Variants in MANBAL observed in about 807,000 individuals in gnomAD.
MANBAL encodes protein MANBAL.
Under a neutral mutation model 6.4 loss-of-function variants are expected in MANBAL, and 1 was observed. That is an observed-to-expected ratio of 0.16 (90% confidence interval 0.06 to 0.74). The LOEUF (loss-of-function observed/expected upper bound fraction) is 0.74. Among genes scored for constraint, MANBAL ranks in the 30% least tolerant of loss-of-function variants. The pLI is 0.78. For synonymous variants in MANBAL, 47 were observed against 45.8 expected, an observed-to-expected ratio of 1.03 and a Z score of -0.10; for missense variants, 100 against 107.8, an observed-to-expected ratio of 0.93 and a Z score of 0.32.
At position 37,311,753 on chromosome 20, in the gene MANBAL, C is replaced by T. The variant is rs111813650; in HGVS notation, c.151-4555C>T. On this transcript the variant is annotated intron_variant, in intron 2 of 2. Transcript: ENST00000373606. ...CCACCTGCCTTGGCTTCCCAAAGTG[C>T]TGGGATTACGGGCGTGAGCCACCGC... 5.7e-3 allele frequency among the ~76,000 whole-genome samples: 874 copies of T among 152,142 alleles called. 9 individuals are homozygous for T. Among genetic ancestry groups the T allele is most frequent in the African/African-American group, 0.02 (832 of 41,522 alleles).
intron 2 of MANBAL, 45 bp downstream of exon 2, chr20:37,301,458 G>A (rs369596424): frequency 1.9e-6 from 3 of 1,602,718 alleles, no homozygotes; most frequent in East Asian, 4.5e-5. Flanking sequence ...GTGCCAGGCT[G>A]GGTTCTGAGT....
chr20:37,298,548 C>G (rs545429335), intron 1 of MANBAL, among the ~76,000 whole-genome samples: 1 of 152,256 alleles, frequency 6.6e-6, no homozygotes, highest in African/African-American at 2.4e-5. Context: ...ATAATGTTTT[C>G]AAGGTTCATT....
chr20:37,301,407 C>T lies in MANBAL; in HGVS notation c.144C>T (p.His48=), dbSNP rs149447398. 461 of 1,611,058 alleles carry T rather than the reference C, an allele frequency of 2.9e-4. 1 individual carries two copies. The Admixed American group carries it at 7.1e-3, about 25-fold the overall frequency. The part of the protein sequence containing the change: ...LAIIVPIPKS[H]EAEAEPSEPR... ...TCATCGTACCCATTCCCAAGTCCCA[C>T]GAGGCGGTGAGTTTTTCCCTGGGAG... Residue 48 remains histidine, a synonymous_variant, in exon 2 of 3, where the codon CAC becomes CAT. Transcript: ENST00000373606.
At chr20:37,302,783 G>A (rs754177068) in intron 2 of MANBAL, among the ~76,000 whole-genome samples, 3 of 150,824 alleles carry the variant, frequency 2.0e-5, no homozygotes, top group East Asian at 1.9e-4. Flanking sequence ...TTTTTTGAGG[G>A]CACTTATCTG....
At chr20:37,310,074 G>A (rs1847241525) in intron 2 of MANBAL, among the ~76,000 whole-genome samples, 1 of 152,198 alleles carries the variant, frequency 6.6e-6, no homozygotes, top group Admixed American at 6.5e-5. Flanking sequence ...AGGAGCCACA[G>A]AGCAGCCAGT....
intron 2 of MANBAL, among the ~76,000 whole-genome samples, chr20:37,302,940 G>GTCTT (rs2069171276): frequency 6.6e-6 from 1 of 152,068 alleles, no homozygotes; most frequent in South Asian, 2.1e-4. Flanking sequence ...GCGAGACAGG[G>GTCTT]TCTTGTCTGT....
intron 1 of MANBAL, among the ~76,000 whole-genome samples, chr20:37,297,692 G>T (rs1040620070): frequency 1.3e-5 from 2 of 151,864 alleles, no homozygotes; most frequent in East Asian, 3.9e-4. Context: ...GCCCAGGCTG[G>T]AGTGCAGTGG....
intron 2 of MANBAL, among the ~76,000 whole-genome samples, chr20:37,312,154 CTG>C (rs1315553858): frequency 6.6e-6 from 1 of 152,142 alleles, no homozygotes; most frequent in Non-Finnish European, 1.5e-5. Flanking sequence ...GACTCGATAA[CTG>C]TAATATGTAC....
chr20:37,315,946 C>T (rs1029288715), intron 2 of MANBAL, among the ~76,000 whole-genome samples: 1 of 152,254 alleles, frequency 6.6e-6, no homozygotes, highest in Non-Finnish European at 1.5e-5. Context: ...TTTGCCTCCT[C>T]ACATCAGCCC....
chr20:37,292,326 G>A (rs1274762278), intron 1 of MANBAL, among the ~76,000 whole-genome samples: 1 of 152,122 alleles, frequency 6.6e-6, no homozygotes, highest in Admixed American at 6.5e-5. Flanking sequence ...TTTTGAGACA[G>A]GGTCTCCCGC....
At chr20:37,300,827 T>G (rs898279973) in intron 1 of MANBAL, among the ~76,000 whole-genome samples, 2 of 152,128 alleles carry the variant, frequency 1.3e-5, no homozygotes, top group African/African-American at 4.8e-5. Flanking sequence ...TTCTTGGGTG[T>G]GTGTGTGTGT....
At chr20:37,314,306 C>T (rs2069455026) in intron 2 of MANBAL, among the ~76,000 whole-genome samples, 1 of 152,052 alleles carries the variant, frequency 6.6e-6, no homozygotes, top group Non-Finnish European at 1.5e-5. Context: ...GTTGGAGGTG[C>T]CTTGGAGATG....
chr20:37,316,186 G>T, intron 2 of MANBAL, 122 bp from the exon 3 acceptor site: 2 of 905,536 alleles, frequency 2.2e-6, no homozygotes, highest in South Asian at 3.1e-5. Flanking sequence ...TAGGTCCCGG[G>T]AATGACAGTT....
intron 2 of MANBAL, among the ~76,000 whole-genome samples, chr20:37,305,679 C>CTTTT (rs61317146): frequency 1.5e-5 from 2 of 137,132 alleles, no homozygotes; most frequent in Non-Finnish European, 3.2e-5. Context: ...ACTGTTTTAA[C>CTTTT]TTTTTTTTTT....
chr20:37,305,029 G>T (rs2069225781), intron 2 of MANBAL, among the ~76,000 whole-genome samples: 1 of 152,178 alleles, frequency 6.6e-6, no homozygotes, highest in Non-Finnish European at 1.5e-5. Flanking sequence ...CAGCCAGCAA[G>T]GGTGGGAAAA....
chr20:37,299,271 G>A (rs751619691), intron 1 of MANBAL, among the ~76,000 whole-genome samples: 1 of 151,960 alleles, frequency 6.6e-6, no homozygotes, highest in Non-Finnish European at 1.5e-5. Context: ...TAGAGATGGG[G>A]TCTCGCTGTG....
At chr20:37,298,074 A>G (rs1323700382) in intron 1 of MANBAL, among the ~76,000 whole-genome samples, 3 of 152,156 alleles carry the variant, frequency 2.0e-5, no homozygotes, top group African/African-American at 4.8e-5. Context: ...TAATCTCAAC[A>G]CTTTGGGAGG....
At position 37,316,687 on chromosome 20, in the gene MANBAL, G is replaced by A; in HGVS notation, c.*272G>A. ...CTGTATTAGGTTTGTTCAGAAGCCG[G>A]GTCAGCTCACAGAGTCACATTTTCT... On this transcript the variant is annotated 3_prime_UTR_variant, in exon 3 of 3. Transcript: ENST00000373606. The A allele has an allele frequency of 3.6e-6, 1 of 278,570 alleles. No individual in the cohort carries two copies. The highest frequency in any genetic ancestry group is 5.2e-5 in the South Asian group (1 of 19,204). The allele number at this position is 278,570 out of a possible 1,614,324, so 17.3% of individuals were successfully genotyped here. A position where few individuals can be genotyped will look rare whatever the true frequency, so the allele number is the denominator to read the frequency against.
chr20:37,315,315 T>C (rs1194365758), intron 2 of MANBAL, among the ~76,000 whole-genome samples: 1 of 152,242 alleles, frequency 6.6e-6, no homozygotes, highest in Non-Finnish European at 1.5e-5. Context: ...GTTGGCGTTC[T>C]CTGGGCTAGC....
Sources: gnomAD v4.1 joint callset for allele counts (sites outside exome capture counted in the v4.1 genomes callset) on GRCh38, gnomAD v4.1.1 for gene constraint, MANE v1.5 for transcripts, NCBI Gene and HGNC (gene_info 2026-07-23, HGNC 2026-07-21) for gene names.